Variants in LRRC4C observed in about 807,000 individuals in gnomAD.
LRRC4C encodes the protein leucine-rich repeat-containing protein 4C.
A neutral mutation model predicts 33.6 loss-of-function variants in LRRC4C; 5 were observed. The observed-to-expected ratio is 0.15, with a 90% CI of 0.08 to 0.31. LRRC4C has a LOEUF of 0.31. Ranked by LOEUF, LRRC4C falls within the 10% of genes least tolerant of loss-of-function variation. The pLI, the probability that LRRC4C is intolerant of heterozygous loss-of-function variation, is 1.00. For missense variants in LRRC4C, 560 were observed against 796.7 expected (o/e 0.70, Z 3.58); for synonymous variants, 329 against 302.0 (o/e 1.09, Z -0.93).
At chr11:41,334,497 A>C (rs1951389544) in intron 1 of LRRC4C, among the ~76,000 whole-genome samples, 1 of 152,006 alleles carries the variant, frequency 6.6e-6, no homozygotes. Context: ...CAGGTGTTAG[A>C]TGTCTGGTAC....
In LRRC4C at chr11:40,735,975, T is replaced by C. The variant is rs934737980; in HGVS notation, c.-406-87697A>G. Among the ~76,000 whole-genome samples the C allele has an allele frequency of 6.2e-4, 94 of 151,176 alleles. 1 individual carries two copies. Among genetic ancestry groups the C allele is most frequent in the Non-Finnish European group, 1.0e-3 (69 of 67,862 alleles). On this transcript the variant is annotated intron_variant, in intron 2 of 6. Transcript: ENST00000528697. ...ATGTCTTCTTTTGAGAAGTGTCCGT[T>C]CATGTCCTTCGCCCACTTATTGATG...
At chr11:41,405,288 T>C (rs75100451) in intron 1 of LRRC4C, among the ~76,000 whole-genome samples, 3,831 of 152,176 alleles carry the variant, frequency 0.025, 61 homozygotes, top group African/African-American at 0.052. Flanking sequence ...TACAAAATAA[T>C]GATAATAAAG....
chr11:40,581,193 A>G (rs12283691), intron 3 of LRRC4C, among the ~76,000 whole-genome samples: 4,445 of 152,286 alleles, frequency 0.029, 230 homozygotes, highest in African/African-American at 0.1. Context: ...GCCCCATCGA[A>G]TGTCAACATG....
At chr11:41,068,947 A>T (rs1464865667) in intron 1 of LRRC4C, among the ~76,000 whole-genome samples, 1 of 152,094 alleles carries the variant, frequency 6.6e-6, no homozygotes, top group Non-Finnish European at 1.5e-5. Flanking sequence ...TGAGACCAAA[A>T]CCTGGAAAAG....
rs184519950 is a variant in LRRC4C at position 41,272,136 on chromosome 11, G to A, written c.-496+187295C>T. Among the ~76,000 whole-genome samples, 664 of 152,260 alleles carry A rather than the reference G, an allele frequency of 4.4e-3. 5 individuals carry two copies. The highest frequency in any genetic ancestry group is 0.015 in the African/African-American group (620 of 41,568). On this transcript the variant is annotated intron_variant, in intron 1 of 6. Transcript: ENST00000528697. ...CAAAATATGCTATGGGAAGTAGACT[G>A]AGGATAAAAATGCCCTACTTTTTTA... is the stretch of plus-strand genomic sequence containing the variant.
intron 1 of LRRC4C, among the ~76,000 whole-genome samples, chr11:41,014,279 T>C (rs1245231352): frequency 6.6e-6 from 1 of 152,004 alleles, no homozygotes; most frequent in Non-Finnish European, 1.5e-5. Context: ...ATATGAATAC[T>C]GGGATTATAT....
At chr11:41,368,894 G>T (rs993431474) in intron 1 of LRRC4C, among the ~76,000 whole-genome samples, 7 of 152,176 alleles carry the variant, frequency 4.6e-5, no homozygotes, top group Non-Finnish European at 4.4e-5. Context: ...TTTGTAGACA[G>T]ACATGTTATG....
intron 1 of LRRC4C, among the ~76,000 whole-genome samples, chr11:41,227,706 A>G (rs1312064899): frequency 6.6e-6 from 1 of 152,010 alleles, no homozygotes; most frequent in African/African-American, 2.4e-5. Context: ...CCAGATTGAT[A>G]TAGTTTAAAT....
chr11:41,432,114 C>T (rs1410826125), intron 1 of LRRC4C, among the ~76,000 whole-genome samples: 1 of 151,864 alleles, frequency 6.6e-6, no homozygotes, highest in South Asian at 2.1e-4. Flanking sequence ...AAATTTGAGA[C>T]GAAAACAAAG....
chr11:41,411,792 A>G (rs1323653408), intron 1 of LRRC4C, among the ~76,000 whole-genome samples: 2 of 152,108 alleles, frequency 1.3e-5, no homozygotes. Context: ...CATCCCAAAG[A>G]GATGCGTGTT....
intron 5 of LRRC4C, among the ~76,000 whole-genome samples, chr11:40,239,798 T>C (rs1444935756): frequency 1.3e-5 from 2 of 152,254 alleles, no homozygotes; most frequent in Non-Finnish European, 2.9e-5. Context: ...TATAGCAAGA[T>C]GGGTGTTAGC....
chr11:40,591,602 C>T (rs1031239613), intron 3 of LRRC4C, among the ~76,000 whole-genome samples: 19 of 152,152 alleles, frequency 1.2e-4, no homozygotes, highest in Admixed American at 5.2e-4. Context: ...CAAGAATAAA[C>T]GATTCATTCA....
rs550264675 is a variant in LRRC4C, at chr11:40,942,635, G to A, written c.-495-8912C>T. Among the ~76,000 whole-genome samples, 16 of 152,236 alleles carry A rather than the reference G, an allele frequency of 1.1e-4. No individual in the cohort carries two copies. The East Asian group carries it at 1.2e-3, about 11-fold the overall frequency. Reference sequence around the variant, plus strand: ...TGGGATTCAGATTGGGAAGAGCAAGGTGAGTTATACAAAGTGGTTTGACCT... The same window carrying A: ...TGGGATTCAGATTGGGAAGAGCAAGATGAGTTATACAAAGTGGTTTGACCT... On this transcript the variant is annotated intron_variant, in intron 1 of 6. Transcript: ENST00000528697.
chr11:40,978,169 C>T (rs1852222362), intron 1 of LRRC4C, among the ~76,000 whole-genome samples: 2 of 152,202 alleles, frequency 1.3e-5, no homozygotes, highest in South Asian at 2.1e-4. Flanking sequence ...TCTTCCAAAT[C>T]TTCTCCTGTC....
chr11:40,115,830 A>G lies in LRRC4C; in HGVS notation c.463T>C (p.Leu155=). Residue 155 remains leucine (L), a synonymous_variant, in exon 7 of 7, where the codon TTG becomes CTG. Coordinates refer to ENST00000528697, the MANE Select transcript of LRRC4C (RefSeq NM_001258419.2). The surrounding 1 kb of genome is among the most constrained non-coding windows in gnomAD (Gnocchi z 6.7). ...ATGCTTTCAATGGGGTTGTTTCGCA[A>G]CCAGAGCTCCTTCAGTTTAGACAAG... ...VYLSKLKELW[L]RNNPIESIPS... The G allele has an allele frequency of 6.2e-7, 1 of 1,614,202 alleles. No individual in the cohort carries two copies. The highest frequency in any genetic ancestry group is 8.5e-7 in the Non-Finnish European group (1 of 1,180,034).
At chr11:40,289,832 G>A (rs1462547377) in intron 4 of LRRC4C, among the ~76,000 whole-genome samples, 2 of 152,168 alleles carry the variant, frequency 1.3e-5, no homozygotes, top group South Asian at 2.1e-4. Flanking sequence ...ATTTGCAAAT[G>A]TTTAAGTGGA....
At chr11:40,580,256 G>A (rs1404721318) in intron 3 of LRRC4C, among the ~76,000 whole-genome samples, 2 of 152,124 alleles carry the variant, frequency 1.3e-5, no homozygotes, top group Non-Finnish European at 2.9e-5. Flanking sequence ...CATGGTGGAA[G>A]GTGAAGGGGA....
At chr11:40,482,892 G>A (rs1041542471) in intron 3 of LRRC4C, among the ~76,000 whole-genome samples, 4 of 152,154 alleles carry the variant, frequency 2.6e-5, no homozygotes, top group East Asian at 3.9e-4. Flanking sequence ...ATAGCACAAC[G>A]AAGAGTAAAT....
intron 5 of LRRC4C, among the ~76,000 whole-genome samples, chr11:40,219,572 CT>C (rs1307065530): frequency 6.6e-6 from 1 of 152,112 alleles, no homozygotes; most frequent in African/African-American, 2.4e-5. Context: ...AGTCAGAGAT[CT>C]TGCCAGTTGC....
Sources: allele counts gnomAD v4.1 joint callset (sites outside exome capture counted in the v4.1 genomes callset), GRCh38; gene constraint gnomAD v4.1.1; non-coding constraint Gnocchi (gnomAD v3.1); transcripts MANE v1.5; gene names NCBI Gene and HGNC (gene_info 2026-07-23, HGNC 2026-07-21).